Variants in ARHGAP23 observed in about 807,000 individuals in gnomAD.
The protein encoded by ARHGAP23 is rho GTPase-activating protein 23.
ARHGAP23 carries 34 observed loss-of-function variants against 136.3 expected under a neutral mutation model. The ratio of observed to expected loss-of-function variants is 0.25; its 90% CI spans 0.19 to 0.33. The LOEUF (loss-of-function observed/expected upper bound fraction) is 0.33. Among genes scored for constraint, ARHGAP23 ranks in the 10% least tolerant of loss-of-function variants. ARHGAP23 has a pLI of 1.00. For missense variants in ARHGAP23, 1,808 were observed against 2,139.0 expected (o/e 0.85, Z 3.05); for synonymous variants, 832 against 920.5 (o/e 0.90, Z 1.74).
intron 6 of ARHGAP23, among the ~76,000 whole-genome samples, chr17:38,464,896 A>G (rs973673363): frequency 1.7e-4 from 26 of 152,246 alleles, no homozygotes; most frequent in Admixed American, 9.1e-4. Flanking sequence ...CTGGAGGCCA[A>G]TCGGGCCTCG....
In ARHGAP23 at chr17:38,498,491, C is replaced by T. The variant is rs1339540921; in HGVS notation, c.3396C>T (p.Pro1132=). Residue 1132 remains proline, a synonymous_variant, in exon 22 of 24, where the codon CCC becomes CCT. Transcript: ENST00000622683. The part of the protein sequence containing the change: ...YLLPNIGRTV[P]PGDPGSDSTT... ...TGCCCAACATTGGCAGGACAGTGCC[C>T]CCTGGCGACCCGGGGTCAGGTGAGC... The T allele has an allele frequency of 1.9e-6, 3 of 1,547,702 alleles. No individual in the cohort carries two copies. The highest frequency in any genetic ancestry group is 2.0e-5 in the Admixed American group (1 of 50,834).
chr17:38,427,669 A>C (rs1421715196), upstream of ARHGAP23, among the ~76,000 whole-genome samples: 1 of 152,206 alleles, frequency 6.6e-6, no homozygotes, highest in Non-Finnish European at 1.5e-5. Context: ...TGTTCACTGC[A>C]GAGCAGGACT....
intron 1 of ARHGAP23, among the ~76,000 whole-genome samples, chr17:38,443,898 T>TG (rs1771360538): frequency 2.0e-5 from 3 of 151,978 alleles, no homozygotes; most frequent in African/African-American, 2.4e-5. Context: ...GAAGCACTCC[T>TG]GGGGGGCGGG....
chr17:38,500,066 A>C (rs2040487862), intron 22 of ARHGAP23, among the ~76,000 whole-genome samples: 1 of 152,110 alleles, frequency 6.6e-6, no homozygotes, highest in African/African-American at 2.4e-5. Flanking sequence ...CGTCCCACCC[A>C]CTTCATTTTT....
intron 1 of ARHGAP23, among the ~76,000 whole-genome samples, chr17:38,436,576 C>G (rs1482317610): frequency 6.6e-6 from 1 of 152,236 alleles, no homozygotes; most frequent in African/African-American, 2.4e-5. Flanking sequence ...GCGTTCCAGG[C>G]TCTCTCTTGG....
intron 14 of ARHGAP23, among the ~76,000 whole-genome samples, chr17:38,480,615 C>G (rs2144713483): frequency 6.6e-6 from 1 of 151,122 alleles, no homozygotes; most frequent in South Asian, 2.1e-4. Flanking sequence ...GCCTGGGTGA[C>G]AGAGCGAGAC....
intron 6 of ARHGAP23, among the ~76,000 whole-genome samples, chr17:38,465,044 C>T (rs2039554178): frequency 2.7e-5 from 4 of 147,820 alleles, no homozygotes; most frequent in East Asian, 2.0e-4. Context: ...GGAGGGGGAC[C>T]GGAGGCCCTG....
At chr17:38,448,327 G>A (rs1466625223) in intron 1 of ARHGAP23, among the ~76,000 whole-genome samples, 3 of 152,140 alleles carry the variant, frequency 2.0e-5, no homozygotes, top group Non-Finnish European at 1.5e-5. Flanking sequence ...CTGCATGTCT[G>A]AATGTCAGTG....
In ARHGAP23 at chr17:38,510,746, T is replaced by G. The variant is rs1036212669; in HGVS notation, c.4250T>G (p.Leu1417Arg). 2.2e-5 allele frequency: 33 copies of G among 1,483,026 alleles called. No homozygotes were observed. Among genetic ancestry groups the G allele is most frequent in the Non-Finnish European group, 2.9e-5 (32 of 1,119,622 alleles). 91.9% of individuals were successfully genotyped at this position (1,483,026 alleles called of 1,614,324 possible). ...TVVVQSPLTD[L>R]NFNEWKELGG... ...GTGGTGCAGAGCCCGCTGACTGACC[T>G]CAACTTCAACGAGTGGAAGGAGCTG... is the stretch of plus-strand genomic sequence containing the variant. The change falls in exon 24 of 24, where the codon CTC (leucine) becomes CGC (arginine). Residue 1417 changes from leucine to arginine, a missense_variant. Transcript: ENST00000622683. This position sits in a 1 kb window ranked among gnomAD's most constrained non-coding sequence, Gnocchi z 4.6.
intron 16 of ARHGAP23, among the ~76,000 whole-genome samples, chr17:38,484,943 T>C (rs1164663409): frequency 6.6e-6 from 1 of 152,126 alleles, no homozygotes; most frequent in African/African-American, 2.4e-5. Context: ...ACTGCTGTAC[T>C]GTGTCTCTTT....
chr17:38,510,652 G>T lies in ARHGAP23; in HGVS notation c.4156G>T (p.Val1386Leu). 1.5e-6 allele frequency: 2 copies of T among 1,374,746 alleles called. No homozygotes were observed. The highest frequency in any genetic ancestry group is 1.9e-6 in the Non-Finnish European group (2 of 1,072,992). 85.2% of individuals were successfully genotyped at this position (1,374,746 alleles called of 1,614,324 possible). A position where few individuals can be genotyped will look rare whatever the true frequency, so the allele number is the denominator to read the frequency against. ...CGGCACGGCGGACGACATGCTCGCCGTGCGCCTGCGGCGGCCGCTGTCGCC... is the reference window on the plus strand; with the variant it reads ...CGGCACGGCGGACGACATGCTCGCCTTGCGCCTGCGGCGGCCGCTGTCGCC... The part of the protein sequence containing the change: ...LRGTADDMLA[V>L]RLRRPLSPET... The change falls in exon 24 of 24, where the codon GTG becomes TTG. Residue 1386 changes from valine (V) to leucine (L), a missense_variant. Around this residue, in one of 7 missense-constraint regions of ARHGAP23, gnomAD observed 506 missense variants for 455.8 expected, o/e 1.11. Transcript: ENST00000622683. The surrounding 1 kb of genome is among the most constrained non-coding windows in gnomAD (Gnocchi z 4.6).
At chr17:38,441,656 A>G (rs2038923056) in intron 1 of ARHGAP23, among the ~76,000 whole-genome samples, 1 of 152,228 alleles carries the variant, frequency 6.6e-6, no homozygotes, top group Admixed American at 6.5e-5. Flanking sequence ...CTGTGGCACC[A>G]TGGCAGATTC....
At position 38,467,071 on chromosome 17, in the gene ARHGAP23, C is replaced by G; in HGVS notation, c.1388C>G (p.Ser463Cys). ...QSPASFPPEA[S>C]EPPRVVRPEP... is the part of the protein sequence containing the mutation. ...CCTGCGTCATTCCCACCAGAGGCCT[C>G]CGAGCCACCCAGGGTTGTACGGCCG... The change falls in exon 7 of 24, where the codon TCC becomes TGC. Residue 463 changes from serine to cysteine, a missense_variant. This residue lies in a region of ARHGAP23 where 859 missense variants were observed against 936.4 expected (regional missense o/e 0.92). Transcript: ENST00000622683. 1 of 1,550,982 alleles carries G rather than the reference C, an allele frequency of 6.4e-7. No homozygotes were observed. Among genetic ancestry groups the G allele is most frequent in the Non-Finnish European group, 8.7e-7 (1 of 1,146,956 alleles).
At chr17:38,429,198 G>A (rs1164346746) in intron 1 of ARHGAP23, among the ~76,000 whole-genome samples, 2 of 152,216 alleles carry the variant, frequency 1.3e-5, no homozygotes, top group Non-Finnish European at 2.9e-5. Flanking sequence ...GGCTGTGGGT[G>A]GGTCAGAGCG....
chr17:38,451,188 T>A (rs1450399213), intron 1 of ARHGAP23: 1 of 152,164 alleles, frequency 6.6e-6, no homozygotes, highest in Non-Finnish European at 1.5e-5. Flanking sequence ...TCAAGCTACA[T>A]AACCTTTGAG....
chr17:38,423,691 T>C (rs1161669747), upstream of ARHGAP23, among the ~76,000 whole-genome samples: 1 of 151,984 alleles, frequency 6.6e-6, no homozygotes, highest in African/African-American at 2.4e-5. Flanking sequence ...TCTTTTGACT[T>C]GATTAAATGG....
At chr17:38,468,857 C>T (rs1597799763) in intron 7 of ARHGAP23, among the ~76,000 whole-genome samples, 3 of 152,058 alleles carry the variant, frequency 2.0e-5, no homozygotes, top group Admixed American at 6.5e-5. Context: ...AGGGAGACAC[C>T]GTCCCTGCCC....
Position 38,466,186 on chromosome 17 carries a change from A to T in ARHGAP23, c.503A>T (p.Tyr168Phe). The T allele has an allele frequency of 6.6e-7, 1 of 1,506,916 alleles. No homozygotes were observed. The highest frequency in any genetic ancestry group is 2.5e-5 in the East Asian group (1 of 40,050). 93.3% of individuals were successfully genotyped at this position (1,506,916 alleles called of 1,614,324 possible). ...ILQLAYSQDA[Y>F]LKGNEPYSGE... ...GGCCAGGCCTACTCCCAGGATGCCT[A>T]CCTGAAAGGGAACGAGCCGTATTCT... The change falls in exon 7 of 24, where the codon TAC (tyrosine) becomes TTC (phenylalanine). Residue 168 changes from tyrosine to phenylalanine, a missense_variant. By Grantham distance (22) the Tyr-to-Phe change is conservative. Transcript: ENST00000622683.
At chr17:38,464,257 C>T (rs139174985) in intron 6 of ARHGAP23, among the ~76,000 whole-genome samples, 21 of 152,286 alleles carry the variant, frequency 1.4e-4, no homozygotes, top group South Asian at 2.1e-4. Context: ...AGACACTGCA[C>T]GAAGCAGGCC....
Sources: allele counts gnomAD v4.1 joint callset (sites outside exome capture counted in the v4.1 genomes callset), GRCh38; gene constraint gnomAD v4.1.1; regional missense constraint gnomAD v4.1.1; non-coding constraint Gnocchi (gnomAD v3.1); transcripts MANE v1.5; gene names NCBI Gene and HGNC (gene_info 2026-07-23, HGNC 2026-07-21).